The following DBF4 variants were observed in gnomAD, a reference collection of about 807,000 sequenced individuals.
DBF4 encodes the protein DBF4-CDC7 kinase regulatory subunit.
In DBF4, 25 loss-of-function variants were observed where a neutral mutation model predicts 76.6. The ratio of observed to expected loss-of-function variants is 0.33; its 90% CI spans 0.24 to 0.46. DBF4 has a LOEUF of 0.46. DBF4 is among the 20% of genes least tolerant of loss of function. The pLI, the probability that DBF4 is intolerant of heterozygous loss-of-function variation, is 1.00. For missense variants in DBF4, 638 were observed against 760.8 expected (o/e 0.84, Z 1.90); for synonymous variants, 213 against 258.0 (o/e 0.83, Z 1.67).
chr7:87,895,597 A>G (rs561691079), intron 6 of DBF4, among the ~76,000 whole-genome samples: 1 of 152,234 alleles, frequency 6.6e-6, no homozygotes, highest in African/African-American at 2.4e-5. Flanking sequence ...AGCCCTTGCT[A>G]TGCTGCGTTG....
At chr7:87,883,394 G>T (rs1288492384) in intron 2 of DBF4, among the ~76,000 whole-genome samples, 1 of 152,084 alleles carries the variant, frequency 6.6e-6, no homozygotes, top group Non-Finnish European at 1.5e-5. Flanking sequence ...CCGTTAAATT[G>T]TACACTTAAA....
intron 6 of DBF4, among the ~76,000 whole-genome samples, chr7:87,895,708 A>C (rs930188926): frequency 6.6e-6 from 1 of 152,104 alleles, no homozygotes; most frequent in Non-Finnish European, 1.5e-5. Context: ...CTTTTCATGG[A>C]TCAATCTCCA....
chr7:87,884,754 C>T (rs1241140920), intron 2 of DBF4, among the ~76,000 whole-genome samples: 1 of 152,068 alleles, frequency 6.6e-6, no homozygotes, highest in Non-Finnish European at 1.5e-5. Context: ...CTGTGCTTGG[C>T]ATATGAAACA....
intron 2 of DBF4, among the ~76,000 whole-genome samples, chr7:87,884,308 C>G (rs1839290932): frequency 6.6e-6 from 1 of 152,158 alleles, no homozygotes; most frequent in South Asian, 2.1e-4. Flanking sequence ...AGGAGGCTCT[C>G]TTGAGCCCAA....
intron 6 of DBF4, among the ~76,000 whole-genome samples, chr7:87,893,332 G>A (rs1309753023): frequency 2.0e-5 from 3 of 146,630 alleles, no homozygotes; most frequent in Non-Finnish European, 4.5e-5. Flanking sequence ...TGCAAGCTCC[G>A]CTTCCCGGGT....
chr7:87,900,467 A>G, intron 9 of DBF4, 118 bp downstream of exon 9: 1 of 1,198,222 alleles, frequency 8.3e-7, no homozygotes, highest in South Asian at 1.5e-5. Context: ...TGTAATTACT[A>G]TTCTGATTAC....
At position 87,904,351 on chromosome 7, in the gene DBF4, T is replaced by C. The variant is rs367973981; in HGVS notation, c.984T>C (p.Asp328=). 1.9e-5 allele frequency: 31 copies of C among 1,613,796 alleles called. No homozygotes were observed. The highest frequency in any genetic ancestry group is 2.5e-5 in the Non-Finnish European group (30 of 1,179,876). ...FAQSNQYQVV[D]DIVSKLVFDF... is the part of the protein sequence containing the mutation. ...AGAGTAACCAGTATCAAGTTGTTGA[T>C]GATATTGTATCTAAGTTAGTTTTTG... The change falls in exon 11 of 12, where the codon GAT becomes GAC. Residue 328 remains aspartate (D), a synonymous_variant. Coordinates refer to ENST00000265728, the MANE Select transcript of DBF4 (RefSeq NM_006716.4).
chr7:87,900,188 GA>G lies in DBF4; in HGVS notation c.681-31del, dbSNP rs147006928. 374 of 1,523,976 alleles carry G rather than the reference GA, an allele frequency of 2.5e-4. 1 individual carries two copies. The African/African-American group carries it at 4.8e-3, about 20-fold the overall frequency. The allele number at this position is 1,523,976 out of a possible 1,614,324, so 94.4% of individuals were successfully genotyped here. A position where few individuals can be genotyped will look rare whatever the true frequency, so the allele number is the denominator to read the frequency against. On this transcript the variant is annotated intron_variant, in intron 8 of 11. Transcript: ENST00000265728. ...TAAACCTTTTTTCTTTAATCATAAA[GA>G]ATCTCATGTATTTGTCTTTTTATTC...
At chr7:87,878,278 T>C in intron 2 of DBF4, 53 bp downstream of exon 2, 1 of 1,379,322 alleles carries the variant, frequency 7.2e-7, no homozygotes, top group Non-Finnish European at 9.9e-7. Flanking sequence ...ACTAGTACTT[T>C]CTACTGTGTA....
chr7:87,906,022 G>GT (rs1839904608), intron 11 of DBF4, among the ~76,000 whole-genome samples: 1 of 151,924 alleles, frequency 6.6e-6, no homozygotes. Context: ...AAATTAGGTG[G>GT]TGGCACATGC....
chr7:87,898,805 AAAAG>A (rs1839700287), intron 8 of DBF4, among the ~76,000 whole-genome samples: 1 of 151,840 alleles, frequency 6.6e-6, no homozygotes. Flanking sequence ...AAAAAAAAAA[AAAAG>A]AACAACAAAG....
rs568561170 is a variant in DBF4, at chr7:87,909,338, A to G, written c.*1175A>G. 7.2e-5 allele frequency: 11 copies of G among 152,360 alleles called. No homozygotes were observed. Among genetic ancestry groups the G allele is most frequent in the Non-Finnish European group, 1.5e-4 (10 of 68,020 alleles). 9.4% of individuals were successfully genotyped at this position (152,360 alleles called of 1,614,324 possible). On this transcript the variant is annotated 3_prime_UTR_variant, in exon 12 of 12. Coordinates refer to ENST00000265728, the MANE Select transcript of DBF4 (RefSeq NM_006716.4). ...CATTCAATTGGTTCTATTGCATAGT[A>G]CATGAATCTATTGTCACTAAAAATT...
chr7:87,896,330 A>G (rs1455425376), intron 6 of DBF4, 144 bp from the exon 7 acceptor site: 3 of 649,036 alleles, frequency 4.6e-6, no homozygotes, highest in Non-Finnish European at 8.0e-6. Flanking sequence ...TTTAAAAACA[A>G]TAGTTTTTTT....
At chr7:87,887,913 C>T in intron 5 of DBF4, 70 bp from the exon 6 acceptor site, 1 of 1,364,772 alleles carries the variant, frequency 7.3e-7, no homozygotes, top group Non-Finnish European at 9.9e-7. Flanking sequence ...AATTTAACTA[C>T]AAGAAAATAT....
At chr7:87,885,646 A>G (rs1037704588) in intron 3 of DBF4, among the ~76,000 whole-genome samples, 5 of 152,222 alleles carry the variant, frequency 3.3e-5, no homozygotes, top group African/African-American at 9.6e-5. Flanking sequence ...TTTCATTGTC[A>G]TAATGTTTTA....
At chr7:87,882,090 A>G (rs1384868738) in intron 2 of DBF4, among the ~76,000 whole-genome samples, 2 of 152,328 alleles carry the variant, frequency 1.3e-5, no homozygotes, top group East Asian at 3.9e-4. Flanking sequence ...TATGTAAGAA[A>G]TTAAAAACCA....
intron 5 of DBF4, among the ~76,000 whole-genome samples, 160 bp downstream of exon 5, chr7:87,887,558 A>G (rs1439008855): frequency 6.6e-6 from 1 of 152,218 alleles, no homozygotes; most frequent in Non-Finnish European, 1.5e-5. Context: ...ATGTACAAAG[A>G]AAAGGAATTT....
rs1584348955 is a variant in DBF4 at position 87,878,188 on chromosome 7, C to G, written c.182C>G (p.Ser61Cys). Reference sequence around the variant, plus strand: ...CTTGACTTACCTTCTGTCACCATATCTGAAAAACTTCAAAAGGACATTAAG... The same window carrying G: ...CTTGACTTACCTTCTGTCACCATATGTGAAAAACTTCAAAAGGACATTAAG... ...FYLDLPSVTI[S>C]EKLQKDIKDL... The change falls in exon 2 of 12, where the codon TCT (serine) becomes TGT (cysteine). Residue 61 changes from serine to cysteine, a missense_variant. Ser to Cys is a moderately radical substitution (Grantham distance 112). Coordinates refer to ENST00000265728, the MANE Select transcript of DBF4 (RefSeq NM_006716.4). 2.5e-6 allele frequency: 4 copies of G among 1,612,406 alleles called. No homozygotes were observed. The East Asian group carries it at 8.9e-5, about 36-fold the overall frequency.
chr7:87,887,868 C>A, intron 5 of DBF4, 115 bp from the exon 6 acceptor site: 2 of 1,033,818 alleles, frequency 1.9e-6, no homozygotes, highest in Non-Finnish European at 2.7e-6. Flanking sequence ...CAGACCATAG[C>A]ATAAGAGATA....
Sources: gnomAD v4.1 joint callset for allele counts (sites outside exome capture counted in the v4.1 genomes callset) on GRCh38, gnomAD v4.1.1 for gene constraint, MANE v1.5 for transcripts, NCBI Gene and HGNC (gene_info 2026-07-23, HGNC 2026-07-21) for gene names.